Variants in MCU observed in about 807,000 individuals in gnomAD.
MCU encodes the protein mitochondrial calcium uniporter, also known as calcium uniporter protein, mitochondrial.
In MCU, 12 loss-of-function variants were observed where a neutral mutation model predicts 45.2. The observed-to-expected ratio is 0.27, with a 90% CI of 0.17 to 0.43. The LOEUF (loss-of-function observed/expected upper bound fraction) is 0.43. Among genes scored for constraint, MCU ranks in the 20% least tolerant of loss-of-function variants. The pLI is 1.00. For missense variants in MCU, 324 were observed against 436.7 expected, an observed-to-expected ratio of 0.74 and a Z score of 2.30; for synonymous variants, 160 against 165.1, an observed-to-expected ratio of 0.97 and a Z score of 0.24.
chr10:72,726,834 A>G (rs1843108420), intron 1 of MCU, among the ~76,000 whole-genome samples: 2 of 152,156 alleles, frequency 1.3e-5, no homozygotes, highest in Non-Finnish European at 2.9e-5. Context: ...TAGTCTTCTT[A>G]TAGTTGTTAG....
chr10:72,774,317 T>G (rs2132741454), intron 1 of MCU, among the ~76,000 whole-genome samples: 1 of 152,320 alleles, frequency 6.6e-6, no homozygotes, highest in East Asian at 1.9e-4. Context: ...TTGTGTATTT[T>G]TGATCTAAGT....
intron 1 of MCU, among the ~76,000 whole-genome samples, chr10:72,817,113 C>T (rs994562533): frequency 6.6e-6 from 1 of 152,088 alleles, no homozygotes; most frequent in Non-Finnish European, 1.5e-5. Context: ...GTTACTTGGT[C>T]CAGAATTTCT....
In MCU at chr10:72,772,149, A is replaced by G. The variant is rs867003745; in HGVS notation, c.151-62210A>G. Among the ~76,000 whole-genome samples, 6 of 152,186 alleles carry G rather than the reference A, an allele frequency of 3.9e-5. No individual in the cohort carries two copies. In the East Asian group the frequency reaches 9.6e-4, roughly 24 times the overall value. On this transcript the variant is annotated intron_variant, in intron 1 of 7. Coordinates refer to ENST00000373053, the MANE Select transcript of MCU (RefSeq NM_138357.3). ...GTGGGGAGGTGGGACTACCATCCTCAGCCCTGAAAACTGCTCTGTTACTCA... is the reference window on the plus strand; with the variant it reads ...GTGGGGAGGTGGGACTACCATCCTCGGCCCTGAAAACTGCTCTGTTACTCA...
In MCU at chr10:72,834,421, C is replaced by T. The variant is rs772246236; in HGVS notation, c.213C>T (p.Pro71=). 3 of 1,613,030 alleles carry T rather than the reference C, an allele frequency of 1.9e-6. No individual in the cohort carries two copies. The highest frequency in any genetic ancestry group is 2.5e-6 in the Non-Finnish European group (3 of 1,179,218). Residue 71 remains proline, a synonymous_variant, in exon 2 of 8, where the codon CCC becomes CCT. Transcript: ENST00000373053. ...CTGTTTATTGCAGCACTGTTGTGCC[C>T]TCTGATGGTGAGTTTCAGCAAATCC... ...LGAVYCSTVV[P]SDDVTVVYQN...
intron 1 of MCU, among the ~76,000 whole-genome samples, chr10:72,801,609 A>G (rs374641869): frequency 6.6e-6 from 1 of 150,986 alleles, no homozygotes; most frequent in African/African-American, 2.4e-5. Flanking sequence ...TAAAATTGCT[A>G]CTTCATTCTA....
intron 5 of MCU, 137 bp downstream of exon 5, chr10:72,869,000 A>G: frequency 1.1e-6 from 1 of 897,534 alleles, no homozygotes; most frequent in Non-Finnish European, 1.6e-6. Flanking sequence ...GGACTGAACC[A>G]TAAAAAAGTT....
intron 1 of MCU, among the ~76,000 whole-genome samples, chr10:72,789,021 T>C (rs1844118293): frequency 6.6e-6 from 1 of 152,192 alleles, no homozygotes; most frequent in South Asian, 2.1e-4. Flanking sequence ...AAGATAAGAC[T>C]ATACTTAGAG....
chr10:72,769,910 C>A (rs887677201), intron 1 of MCU, among the ~76,000 whole-genome samples: 1 of 152,132 alleles, frequency 6.6e-6, no homozygotes, highest in African/African-American at 2.4e-5. Context: ...GATGTGAGAT[C>A]TTTTAAAATA....
intron 1 of MCU, chr10:72,715,297 G>A (rs1281504014): frequency 1.2e-5 from 5 of 421,600 alleles, no homozygotes; most frequent in Non-Finnish European, 1.6e-5. Context: ...AGCTTCTTAA[G>A]ATTAGTTTTT....
At chr10:72,703,674 G>A (rs544967818) in intron 1 of MCU, among the ~76,000 whole-genome samples, 1 of 152,272 alleles carries the variant, frequency 6.6e-6, no homozygotes, top group South Asian at 2.1e-4. Context: ...GGAGGTGGAG[G>A]CAGGCAGATC....
intron 2 of MCU, among the ~76,000 whole-genome samples, chr10:72,849,606 C>T (rs1381627921): frequency 6.6e-6 from 1 of 151,852 alleles, no homozygotes; most frequent in African/African-American, 2.4e-5. Context: ...AGCACAGAGG[C>T]CTAGGACAAA....
At position 72,707,198 on chromosome 10, in the gene MCU, C is replaced by CT. The variant is rs1327443362; in HGVS notation, c.150+14915dup. On this transcript the variant is annotated intron_variant, in intron 1 of 7. Coordinates refer to ENST00000373053, the MANE Select transcript of MCU (RefSeq NM_138357.3). The stretch of plus-strand genomic sequence containing the variant: ...ATGCTGTTGGTGAGCATTTTGAAAT[C>CT]TTTTTTTTTTTTTTTTTTGAGAGAG... Among the ~76,000 whole-genome samples, 474 of 129,622 alleles carry CT rather than the reference C, an allele frequency of 3.7e-3. 1 individual carries two copies. Among genetic ancestry groups the CT allele is most frequent in the African/African-American group, 4.4e-3 (155 of 35,058 alleles). The allele number at this position is 129,622 out of a possible 152,430, so 85.0% of individuals were successfully genotyped here. A position where few individuals can be genotyped will look rare whatever the true frequency, so the allele number is the denominator to read the frequency against.
intron 5 of MCU, among the ~76,000 whole-genome samples, chr10:72,870,246 T>G (rs1041079166): frequency 3.9e-5 from 6 of 152,210 alleles, no homozygotes; most frequent in African/African-American, 1.4e-4. Flanking sequence ...ATATTTACTG[T>G]GTTTCATGAA....
intron 1 of MCU, among the ~76,000 whole-genome samples, chr10:72,817,679 G>T (rs960787130): frequency 6.6e-6 from 1 of 152,172 alleles, no homozygotes; most frequent in Non-Finnish European, 1.5e-5. Flanking sequence ...CAAACTCTTA[G>T]GCTCAAGCAA....
intron 1 of MCU, among the ~76,000 whole-genome samples, chr10:72,822,219 C>G (rs1844723709): frequency 6.6e-6 from 1 of 152,152 alleles, no homozygotes; most frequent in Admixed American, 6.5e-5. Context: ...TTACAGTGAG[C>G]CGAGATCGCA....
At chr10:72,785,690 G>GT (rs1181873925) in intron 1 of MCU, among the ~76,000 whole-genome samples, 1 of 152,130 alleles carries the variant, frequency 6.6e-6, no homozygotes, top group Non-Finnish European at 1.5e-5. Flanking sequence ...TCTGTAACTT[G>GT]TATCTGTAGT....
intron 6 of MCU, 102 bp downstream of exon 6, chr10:72,871,682 A>T: frequency 1.0e-6 from 1 of 954,544 alleles, no homozygotes; most frequent in South Asian, 1.5e-5. Flanking sequence ...TTCTTTAAGT[A>T]CTCATCCTTT....
At chr10:72,693,173 A>AGTGTGT (rs112298026) in intron 1 of MCU, 82 of 799,172 alleles carry the variant, frequency 1.0e-4, no homozygotes, top group Admixed American at 2.2e-4. Context: ...CTCTTGGGTG[A>AGTGTGT]GTGTGTGTGT....
chr10:72,875,489 T>C (rs2132891994), intron 6 of MCU, among the ~76,000 whole-genome samples: 1 of 152,342 alleles, frequency 6.6e-6, no homozygotes. Context: ...GTAAATAATT[T>C]AGTCACTATT....
Sources: allele counts gnomAD v4.1 joint callset (sites outside exome capture counted in the v4.1 genomes callset), GRCh38; gene constraint gnomAD v4.1.1; transcripts MANE v1.5; gene names NCBI Gene and HGNC (gene_info 2026-07-23, HGNC 2026-07-21).